Variants in MSRA observed in about 807,000 individuals in gnomAD.
MSRA encodes methionine sulfoxide reductase A.
Under a neutral mutation model 31.3 loss-of-function variants are expected in MSRA, and 54 were observed. The ratio of observed to expected loss-of-function variants is 1.73; its 90% confidence interval spans 1.39 to 2.17. The LOEUF is 2.17. Ranked by LOEUF, MSRA falls within the 30% of genes most tolerant of loss-of-function variation. The probability of loss-of-function intolerance (pLI) is 0.00; values close to 1 mark genes in which losing one functional copy is unlikely to be tolerated. For synonymous variants in MSRA, 169 were observed against 116.5 expected, an observed-to-expected ratio of 1.45 and a Z score of -2.90; for missense variants, 507 against 300.9, an observed-to-expected ratio of 1.69 and a Z score of -5.07.
intron 2 of MSRA, among the ~76,000 whole-genome samples, chr8:10,223,619 G>T (rs1005552248): frequency 6.6e-6 from 1 of 152,172 alleles, no homozygotes; most frequent in Non-Finnish European, 1.5e-5. Context: ...GGGAGAGAAT[G>T]GCAGGTGGTG....
At chr8:10,072,344 C>T (rs1210196735) in intron 1 of MSRA, among the ~76,000 whole-genome samples, 1 of 150,526 alleles carries the variant, frequency 6.6e-6, no homozygotes, top group Non-Finnish European at 1.5e-5. Context: ...TATTCAGTTA[C>T]TACAGAATAA....
At chr8:10,421,639 C>G (rs151314882) in intron 5 of MSRA, among the ~76,000 whole-genome samples, 2 of 152,158 alleles carry the variant, frequency 1.3e-5, no homozygotes, top group African/African-American at 4.8e-5. Flanking sequence ...CAGAAAGGCT[C>G]TTTACTGGCC....
chr8:10,159,352 G>C (rs549735767), intron 1 of MSRA, among the ~76,000 whole-genome samples: 1 of 152,162 alleles, frequency 6.6e-6, no homozygotes, highest in Admixed American at 6.5e-5. Flanking sequence ...CAAGAGAGGA[G>C]ATCAGGAGTG....
chr8:10,133,749 A>G (rs557373566), intron 1 of MSRA, among the ~76,000 whole-genome samples: 111 of 152,340 alleles, frequency 7.3e-4, no homozygotes, highest in African/African-American at 2.5e-3. Flanking sequence ...AGACTGTGAT[A>G]CTTGGAGGCT....
intron 1 of MSRA, among the ~76,000 whole-genome samples, chr8:10,092,818 C>G (rs1405442623): frequency 1.3e-5 from 2 of 151,990 alleles, no homozygotes. Flanking sequence ...GTTGAATTAC[C>G]CATTTTTCCC....
chr8:10,415,113 G>T (rs1053955935), intron 5 of MSRA, among the ~76,000 whole-genome samples: 11 of 152,186 alleles, frequency 7.2e-5, no homozygotes, highest in African/African-American at 2.7e-4. Context: ...AGAGCAAATG[G>T]GTGGTTGCAC....
chr8:10,120,234 C>T (rs1038793048), intron 1 of MSRA, among the ~76,000 whole-genome samples: 1 of 152,130 alleles, frequency 6.6e-6, no homozygotes, highest in African/African-American at 2.4e-5. Flanking sequence ...TAGGCACCGG[C>T]AAGAGTCGTA....
chr8:10,398,065 TA>T (rs1490974920), intron 5 of MSRA, among the ~76,000 whole-genome samples: 1 of 152,220 alleles, frequency 6.6e-6, no homozygotes, highest in Admixed American at 6.5e-5. Context: ...TAAATTTGTG[TA>T]AAAATCTACT....
At chr8:10,261,735 T>G (rs1431047210) in intron 3 of MSRA, among the ~76,000 whole-genome samples, 1 of 152,176 alleles carries the variant, frequency 6.6e-6, no homozygotes, top group Admixed American at 6.5e-5. Flanking sequence ...AGTCCATAGT[T>G]TACATTCGGG....
chr8:10,054,726 C>T lies in MSRA; in HGVS notation c.142+68C>T, dbSNP rs904848505. On this transcript the variant is annotated intron_variant, in intron 1 of 5. Transcript: ENST00000317173. ...CATGCGCGCCTTTGCCCGGCGGCAG[C>T]GCGCCCGCTGCCCGGAAGGAAGCCG... The T allele has an allele frequency of 6.5e-6, 9 of 1,385,602 alleles. No individual in the cohort carries two copies. The African/African-American group carries it at 1.0e-4, about 16-fold the overall frequency. 85.8% of individuals were successfully genotyped at this position (1,385,602 alleles called of 1,614,324 possible). A position where few individuals can be genotyped will look rare whatever the true frequency, so the allele number is the denominator to read the frequency against.
chr8:10,118,838 C>T (rs1800884084), intron 1 of MSRA, among the ~76,000 whole-genome samples: 2 of 152,180 alleles, frequency 1.3e-5, no homozygotes, highest in Non-Finnish European at 2.9e-5. Context: ...TGTCTCTAGG[C>T]TTGTGCTAGA....
chr8:10,376,748 G>A (rs1283429479), intron 5 of MSRA, among the ~76,000 whole-genome samples: 1 of 152,174 alleles, frequency 6.6e-6, no homozygotes, highest in Admixed American at 6.5e-5. Context: ...ACCACATGCA[G>A]TGAACTGAGA....
intron 1 of MSRA, among the ~76,000 whole-genome samples, chr8:10,187,827 G>C (rs1172347135): frequency 1.3e-5 from 2 of 152,120 alleles, no homozygotes; most frequent in East Asian, 3.8e-4. Context: ...TAGTAGTTCT[G>C]TTGTATAACA....
chr8:10,232,593 C>G (rs1811587587), intron 2 of MSRA, among the ~76,000 whole-genome samples: 1 of 152,130 alleles, frequency 6.6e-6, no homozygotes, highest in Non-Finnish European at 1.5e-5. Context: ...TTTGCAGTGT[C>G]AATGTGTTTG....
chr8:10,249,238 G>C (rs139469106), intron 3 of MSRA, among the ~76,000 whole-genome samples: 314 of 152,286 alleles, frequency 2.1e-3, no homozygotes, highest in Non-Finnish European at 2.7e-3. Flanking sequence ...AGGTTAGTCA[G>C]GCAGACAGTT....
At chr8:10,164,352 C>T (rs566915805) in intron 1 of MSRA, among the ~76,000 whole-genome samples, 7 of 152,196 alleles carry the variant, frequency 4.6e-5, no homozygotes, top group Admixed American at 2.6e-4. Context: ...CTGGGGCTGT[C>T]GTGTATTTTG....
At chr8:10,272,998 A>G (rs889449014) in intron 3 of MSRA, among the ~76,000 whole-genome samples, 1 of 152,242 alleles carries the variant, frequency 6.6e-6, no homozygotes, top group Non-Finnish European at 1.5e-5. Flanking sequence ...TAAGACTGGT[A>G]TAAGCAATCA....
At chr8:10,266,785 A>C (rs1282125993) in intron 3 of MSRA, among the ~76,000 whole-genome samples, 1 of 152,176 alleles carries the variant, frequency 6.6e-6, no homozygotes, top group Non-Finnish European at 1.5e-5. Context: ...TAATATAGCA[A>C]AAGGCACATA....
At chr8:10,087,737 T>C (rs2128925803) in intron 1 of MSRA, among the ~76,000 whole-genome samples, 1 of 152,280 alleles carries the variant, frequency 6.6e-6, no homozygotes, top group Non-Finnish European at 1.5e-5. Context: ...ACCCTCAAGG[T>C]TTCTTGTTAG....
Sources: allele counts gnomAD v4.1 joint callset (sites outside exome capture counted in the v4.1 genomes callset), GRCh38; gene constraint gnomAD v4.1.1; transcripts MANE v1.5; gene names NCBI Gene and HGNC (gene_info 2026-07-23, HGNC 2026-07-21).